The following GRM7 variants were observed in gnomAD, a reference collection of about 807,000 sequenced individuals.
GRM7 encodes glutamate metabotropic receptor 7.
In GRM7, 35 loss-of-function variants were observed where a neutral mutation model predicts 84.5. The ratio of observed to expected loss-of-function variants is 0.41; its 90% CI spans 0.32 to 0.55. The LOEUF is 0.55. GRM7 is among the 20% of genes least tolerant of loss of function. The pLI is 0.19. For missense variants in GRM7, 1,003 were observed against 1,194.6 expected (o/e 0.84, Z 2.36); for synonymous variants, 487 against 455.1 (o/e 1.07, Z -0.89).
intron 1 of GRM7, among the ~76,000 whole-genome samples, chr3:7,064,479 T>TATATATATATATATATATATAC: frequency 2.0e-5 from 2 of 99,382 alleles, no homozygotes; most frequent in African/African-American, 7.8e-5. Flanking sequence ...TATATATATA[T>TATATATATATATATATATATAC]ACACACATAT....
intron 4 of GRM7, among the ~76,000 whole-genome samples, chr3:7,342,565 T>C (rs1692691105): frequency 6.6e-6 from 1 of 152,216 alleles, no homozygotes; most frequent in African/African-American, 2.4e-5. Context: ...TGTTCAAGTC[T>C]GTCTACCCTG....
chr3:7,591,856 A>T (rs1208083606), intron 8 of GRM7, among the ~76,000 whole-genome samples: 1 of 152,174 alleles, frequency 6.6e-6, no homozygotes, highest in Non-Finnish European at 1.5e-5. Flanking sequence ...GACTTTTCTA[A>T]GGTCCCAGAG....
At chr3:7,324,858 G>C (rs890449658) in intron 4 of GRM7, among the ~76,000 whole-genome samples, 8 of 152,022 alleles carry the variant, frequency 5.3e-5, no homozygotes, top group Non-Finnish European at 1.5e-5. Context: ...TTATAGTCTG[G>C]CCTCTTCTAA....
chr3:6,883,250 T>C (rs184141410), intron 1 of GRM7, among the ~76,000 whole-genome samples: 1 of 152,284 alleles, frequency 6.6e-6, no homozygotes, highest in African/African-American at 2.4e-5. Flanking sequence ...TTCACATTGA[T>C]TTACAATAAC....
At chr3:7,367,710 T>A (rs1693957829) in intron 4 of GRM7, among the ~76,000 whole-genome samples, 1 of 151,468 alleles carries the variant, frequency 6.6e-6, no homozygotes, top group African/African-American at 2.4e-5. Flanking sequence ...ATGGTAGTTC[T>A]AGGAGAGAAG....
intron 4 of GRM7, among the ~76,000 whole-genome samples, chr3:7,413,511 A>G (rs13084934): frequency 8.4e-4 from 128 of 152,126 alleles, no homozygotes; most frequent in African/African-American, 2.9e-3. Flanking sequence ...AATAATATCC[A>G]TTTGACCTCT....
chr3:7,082,162 G>T (rs1574876821), intron 1 of GRM7, among the ~76,000 whole-genome samples: 1 of 152,060 alleles, frequency 6.6e-6, no homozygotes, highest in Non-Finnish European at 1.5e-5. Flanking sequence ...ACTTTTGTAG[G>T]TATAGAGAAA....
chr3:7,003,874 T>C (rs1695093742), intron 1 of GRM7, among the ~76,000 whole-genome samples: 1 of 152,154 alleles, frequency 6.6e-6, no homozygotes, highest in Non-Finnish European at 1.5e-5. Context: ...TCATGAGATT[T>C]TACTCAAGAT....
chr3:6,906,877 A>G (rs944719778), intron 1 of GRM7, among the ~76,000 whole-genome samples: 1 of 152,200 alleles, frequency 6.6e-6, no homozygotes, highest in Non-Finnish European at 1.5e-5. Context: ...CTTAGGTATA[A>G]TTGATATACA....
intron 1 of GRM7, among the ~76,000 whole-genome samples, chr3:6,957,032 T>A (rs1181672942): frequency 6.6e-6 from 1 of 152,226 alleles, no homozygotes; most frequent in African/African-American, 2.4e-5. Flanking sequence ...TTTATATGTA[T>A]AGATATAGCG....
chr3:7,157,562 G>A (rs371177688), intron 2 of GRM7, among the ~76,000 whole-genome samples: 4 of 151,450 alleles, frequency 2.6e-5, no homozygotes, highest in African/African-American at 4.9e-5. Context: ...TAAAATACAC[G>A]TAGAGGACTG....
chr3:7,204,091 A>C (rs1314536651), intron 2 of GRM7, among the ~76,000 whole-genome samples: 6 of 152,256 alleles, frequency 3.9e-5, no homozygotes, highest in Non-Finnish European at 8.8e-5. Flanking sequence ...ATATAGGCAT[A>C]GTATTGCTTC....
At chr3:7,138,298 A>G (rs370816701) in intron 1 of GRM7, among the ~76,000 whole-genome samples, 1 of 152,014 alleles carries the variant, frequency 6.6e-6, no homozygotes, top group Admixed American at 6.6e-5. Context: ...ATGCCCAATC[A>G]ACAAGACGTT....
At chr3:7,267,165 C>T (rs1047761372) in intron 2 of GRM7, among the ~76,000 whole-genome samples, 25 of 152,094 alleles carry the variant, frequency 1.6e-4, no homozygotes, top group African/African-American at 4.1e-4. Flanking sequence ...TGTAGAAAAT[C>T]GAAGTTCACT....
chr3:7,077,625 G>C (rs1490916360), intron 1 of GRM7, among the ~76,000 whole-genome samples: 1 of 150,658 alleles, frequency 6.6e-6, no homozygotes, highest in Non-Finnish European at 1.5e-5. Context: ...TAGTGTAGAT[G>C]ATGGGTCGAT....
intron 1 of GRM7, among the ~76,000 whole-genome samples, chr3:6,875,058 C>A (rs555698522): frequency 1.3e-4 from 20 of 152,262 alleles, no homozygotes; most frequent in African/African-American, 4.8e-4. Flanking sequence ...CTATGCTTTT[C>A]ATCTGGCAGG....
At chr3:7,402,921 T>C (rs1489408802) in intron 4 of GRM7, 1 of 155,466 alleles carries the variant, frequency 6.4e-6, no homozygotes, top group Non-Finnish European at 1.4e-5. Context: ...GAATCTGTGA[T>C]TAGGAAGAAA....
rs78601352 is a variant in GRM7, at chr3:7,610,210, C to T, written c.2451+30853C>T. Among the ~76,000 whole-genome samples, 1,102 of 152,186 alleles carry T rather than the reference C, an allele frequency of 7.2e-3. 15 individuals are homozygous for T. Among genetic ancestry groups the T allele is most frequent in the African/African-American group, 0.025 (1,043 of 41,530 alleles). On this transcript the variant is annotated intron_variant, in intron 8 of 9. Transcript: ENST00000357716. Reference sequence around the variant, plus strand: ...AGCAGCATAGGACTTTAATCCTTAGCGGTCCAGTTATCTCTTGGAATCAAT... The same window carrying T: ...AGCAGCATAGGACTTTAATCCTTAGTGGTCCAGTTATCTCTTGGAATCAAT...
At chr3:6,953,766 C>G (rs914602160) in intron 1 of GRM7, among the ~76,000 whole-genome samples, 5 of 152,176 alleles carry the variant, frequency 3.3e-5, no homozygotes, top group Admixed American at 3.3e-4. Context: ...CTGCTTGGCT[C>G]CCTTTCAGCC....
Sources: allele counts gnomAD v4.1 joint callset (sites outside exome capture counted in the v4.1 genomes callset), GRCh38; gene constraint gnomAD v4.1.1; transcripts MANE v1.5; gene names NCBI Gene and HGNC (gene_info 2026-07-23, HGNC 2026-07-21).